Variants in GRHL2 observed in about 807,000 individuals in gnomAD.
The protein encoded by GRHL2 is grainyhead like transcription factor 2.
A neutral mutation model predicts 83.8 loss-of-function variants in GRHL2; 21 were observed. The observed-to-expected ratio is 0.25, with a 90% CI of 0.18 to 0.36. The LOEUF is 0.36. GRHL2 is among the 10% of genes least tolerant of loss of function. GRHL2 has a pLI of 1.00. For missense variants in GRHL2, 623 were observed against 781.8 expected, an observed-to-expected ratio of 0.80 and a Z score of 2.42; for synonymous variants, 280 against 278.9, an observed-to-expected ratio of 1.00 and a Z score of -0.04.
At chr8:101,532,689 G>T (rs1810961194) in intron 1 of GRHL2, among the ~76,000 whole-genome samples, 2 of 151,726 alleles carry the variant, frequency 1.3e-5, no homozygotes, top group Non-Finnish European at 1.5e-5. Flanking sequence ...GGGAGGTGAA[G>T]GTTGCAGTGA....
At chr8:101,642,576 G>T (rs944494959) in intron 12 of GRHL2, among the ~76,000 whole-genome samples, 1 of 152,128 alleles carries the variant, frequency 6.6e-6, no homozygotes, top group African/African-American at 2.4e-5. Flanking sequence ...CTGCTTTTAC[G>T]ACAAGGTAGT....
At chr8:101,652,615 T>TGTGTG (rs374033149) in intron 14 of GRHL2, among the ~76,000 whole-genome samples, 27,221 of 118,260 alleles carry the variant, frequency 0.23, 3,885 homozygotes, top group African/African-American at 0.33. Flanking sequence ...GTGTGTGTGG[T>TGTGTG]GTGTGTGTGT....
At chr8:101,504,001 T>A (rs987229358) in intron 1 of GRHL2, among the ~76,000 whole-genome samples, 1 of 152,242 alleles carries the variant, frequency 6.6e-6, no homozygotes, top group Non-Finnish European at 1.5e-5. Flanking sequence ...TTTATGCATT[T>A]ATGTATTTAT....
intron 9 of GRHL2, among the ~76,000 whole-genome samples, chr8:101,631,290 T>C (rs1299085604): frequency 6.6e-6 from 1 of 152,222 alleles, no homozygotes; most frequent in African/African-American, 2.4e-5. Flanking sequence ...TTCTGACATT[T>C]TATTATAATC....
chr8:101,574,068 T>C (rs973222310), intron 6 of GRHL2, among the ~76,000 whole-genome samples: 1 of 152,206 alleles, frequency 6.6e-6, no homozygotes, highest in African/African-American at 2.4e-5. Context: ...CCGAGGAATT[T>C]TCCCGCTTCA....
chr8:101,656,774 G>T (rs971775879), intron 14 of GRHL2, among the ~76,000 whole-genome samples: 6 of 152,192 alleles, frequency 3.9e-5, no homozygotes, highest in African/African-American at 1.4e-4. Flanking sequence ...TGTATACATG[G>T]TGCTTAAAGT....
intron 14 of GRHL2, among the ~76,000 whole-genome samples, chr8:101,651,885 T>G (rs762676000): frequency 1.2e-4 from 18 of 152,182 alleles, no homozygotes; most frequent in Non-Finnish European, 2.4e-4. Flanking sequence ...ACAGGCTATC[T>G]CCTTGCTTCC....
chr8:101,601,548 T>A (rs1357243865), intron 8 of GRHL2, among the ~76,000 whole-genome samples: 1 of 152,310 alleles, frequency 6.6e-6, no homozygotes, highest in East Asian at 1.9e-4. Flanking sequence ...TGGGTGTACA[T>A]GTGAGTGTGC....
Position 101,648,242 on chromosome 8 carries a change from C to T in GRHL2, c.1613-1172C>T, listed in dbSNP as rs572253297. ...TGGTGGCAGAAGGAACATCAGCCAG[C>T]AGCTGTCACGTCTGTGGGACCCTGG... is the stretch of plus-strand genomic sequence containing the variant. On this transcript the variant is annotated intron_variant, in intron 13 of 15. Coordinates refer to ENST00000646743, the MANE Select transcript of GRHL2 (RefSeq NM_024915.4). Among the ~76,000 whole-genome samples the T allele has an allele frequency of 1.5e-3, 232 of 152,300 alleles. 1 individual carries two copies. Among genetic ancestry groups the T allele is most frequent in the Non-Finnish European group, 2.6e-3 (177 of 68,030 alleles).
At chr8:101,526,525 C>CTTTTTTT (rs33928032) in intron 1 of GRHL2, among the ~76,000 whole-genome samples, 7 of 109,654 alleles carry the variant, frequency 6.4e-5, no homozygotes, top group Non-Finnish European at 8.8e-5. Context: ...TCTTTTTTTC[C>CTTTTTTT]TTTTTTTTTT....
At chr8:101,552,815 C>CT in intron 3 of GRHL2, 33 bp downstream of exon 3, 1 of 1,585,872 alleles carries the variant, frequency 6.3e-7, no homozygotes, top group South Asian at 1.1e-5. Flanking sequence ...CAGAATAACT[C>CT]TATGTTTTCT....
chr8:101,543,615 C>G (rs1811200614), intron 2 of GRHL2, 179 bp downstream of exon 2: 2 of 673,280 alleles, frequency 3.0e-6, no homozygotes, highest in East Asian at 5.5e-5. Context: ...CAAAGCTCAA[C>G]TTTATCACCC....
At chr8:101,578,965 A>T (rs1586113598) in intron 7 of GRHL2, among the ~76,000 whole-genome samples, 1 of 152,212 alleles carries the variant, frequency 6.6e-6, no homozygotes, top group Non-Finnish European at 1.5e-5. Flanking sequence ...TAACTAGTCA[A>T]ACATATTTAT....
rs1586185991 is a variant in GRHL2, at chr8:101,668,652, G to C, written c.*1949G>C. The C allele has an allele frequency of 6.5e-6, 1 of 152,742 alleles. No homozygotes were observed. Among genetic ancestry groups the C allele is most frequent in the South Asian group, 2.1e-4 (1 of 4,832 alleles). 9.5% of individuals were successfully genotyped at this position (152,742 alleles called of 1,614,324 possible). ...GGACCAGCAGCTTGGGGACCCTCCA[G>C]GGTACTAATGGGGCTCTGTTCTGAG... On this transcript the variant is annotated 3_prime_UTR_variant, in exon 16 of 16. Transcript: ENST00000646743.
intron 14 of GRHL2, among the ~76,000 whole-genome samples, chr8:101,654,031 C>T (rs555719780): frequency 5.9e-5 from 9 of 152,324 alleles, no homozygotes; most frequent in Non-Finnish European, 8.8e-5. Context: ...TAAACCAAGA[C>T]GTGGCCCTAC....
chr8:101,513,345 C>A (rs1371675822), intron 1 of GRHL2, among the ~76,000 whole-genome samples: 1 of 152,006 alleles, frequency 6.6e-6, no homozygotes, highest in Non-Finnish European at 1.5e-5. Flanking sequence ...TGCCTCCCAG[C>A]ATTATGGTGA....
the GRHL2 span, among the ~76,000 whole-genome samples, chr8:101,674,818 T>C: frequency 6.6e-6 from 1 of 152,066 alleles, no homozygotes; most frequent in Admixed American, 6.6e-5. Context: ...AATAAAATAC[T>C]GGCAAAACGA....
At chr8:101,658,522 C>T (rs1018076430) in intron 14 of GRHL2, among the ~76,000 whole-genome samples, 1 of 152,146 alleles carries the variant, frequency 6.6e-6, no homozygotes, top group African/African-American at 2.4e-5. Flanking sequence ...GTGCTGGGGA[C>T]CCAGTGACTC....
intron 1 of GRHL2, among the ~76,000 whole-genome samples, chr8:101,535,714 A>G (rs1201829830): frequency 6.6e-6 from 1 of 151,574 alleles, no homozygotes. Flanking sequence ...AATTTTTTGT[A>G]TTTTTAGTAG....
Sources: gnomAD v4.1 joint callset for allele counts (sites outside exome capture counted in the v4.1 genomes callset) on GRCh38, gnomAD v4.1.1 for gene constraint, MANE v1.5 for transcripts, NCBI Gene and HGNC (gene_info 2026-07-23, HGNC 2026-07-21) for gene names.